Variants in EPB41L3 observed in about 807,000 individuals in gnomAD.
The protein encoded by EPB41L3 is band 4.1-like protein 3.
EPB41L3 carries 57 observed loss-of-function variants against 127.1 expected under a neutral mutation model. The ratio of observed to expected loss-of-function variants is 0.45; its 90% CI spans 0.36 to 0.56. EPB41L3 has a LOEUF of 0.56. Among genes scored for constraint, EPB41L3 ranks in the 20% least tolerant of loss-of-function variants. The pLI, the probability that EPB41L3 is intolerant of heterozygous loss-of-function variation, is 0.00. For missense variants in EPB41L3, 1,273 were observed against 1,372.2 expected (o/e 0.93, Z 1.14); for synonymous variants, 572 against 549.5 (o/e 1.04, Z -0.57).
chr18:5,630,471 CAG>C (rs1269598063), upstream of EPB41L3: 3 of 518,954 alleles, frequency 5.8e-6, no homozygotes, highest in Non-Finnish European at 1.2e-5. Flanking sequence ...AGCGCAAGGG[CAG>C]AGAGAGGTAG....
chr18:5,419,991 A>G, intron 11 of EPB41L3, 114 bp from the exon 12 acceptor site: 1 of 1,568,746 alleles, frequency 6.4e-7, no homozygotes, highest in Non-Finnish European at 8.6e-7. Context: ...AAGACACATG[A>G]ACAATACCAA....
chr18:5,543,846 C>T lies in EPB41L3; in HGVS notation c.-12+67G>A, dbSNP rs2093823238. On this transcript the variant is annotated intron_variant, in intron 1 of 22. Transcript: ENST00000341928. The surrounding 1 kb of genome is among the most constrained non-coding windows in gnomAD (Gnocchi z 5.2). Reference sequence around the variant, plus strand: ...CGCGCCTCGCCCCAGGCCTCGGGCTCTTCCTCCGCACCTCGTAAAGCCGAG... The same window carrying T: ...CGCGCCTCGCCCCAGGCCTCGGGCTTTTCCTCCGCACCTCGTAAAGCCGAG... The T allele has an allele frequency of 1.0e-6, 1 of 982,238 alleles. No individual in the cohort carries two copies. The allele number at this position is 982,238 out of a possible 1,614,324, so 60.8% of individuals were successfully genotyped here. A position where few individuals can be genotyped will look rare whatever the true frequency, so the allele number is the denominator to read the frequency against.
At chr18:5,603,977 C>T (rs1488679189) in intron 3 of EPB41L3, among the ~76,000 whole-genome samples, 1 of 152,082 alleles carries the variant, frequency 6.6e-6, no homozygotes, top group Non-Finnish European at 1.5e-5. Flanking sequence ...CAAAGCTTAG[C>T]TCATTTGATA....
chr18:5,561,215 G>A (rs1183274770), intron 3 of EPB41L3, among the ~76,000 whole-genome samples: 1 of 152,018 alleles, frequency 6.6e-6, no homozygotes, highest in Non-Finnish European at 1.5e-5. Context: ...CTGACCTCGT[G>A]ATCCGCCCGC....
intron 3 of EPB41L3, among the ~76,000 whole-genome samples, chr18:5,451,116 T>C (rs1304542936): frequency 2.0e-5 from 3 of 152,246 alleles, no homozygotes; most frequent in Non-Finnish European, 4.4e-5. Context: ...AGCATGTTTA[T>C]AAAGAGGTAT....
intron 10 of EPB41L3, 24 bp from the exon 11 acceptor site, chr18:5,423,577 C>T: frequency 1.3e-6 from 2 of 1,580,088 alleles, no homozygotes; most frequent in Non-Finnish European, 1.7e-6. Flanking sequence ...AGAAAAACAG[C>T]AGAAAGACTA....
intron 22 of EPB41L3, 152 bp from the exon 23 acceptor site, chr18:5,393,630 C>T: frequency 3.7e-6 from 2 of 538,894 alleles, no homozygotes; most frequent in South Asian, 5.3e-5. Flanking sequence ...CAATTACATG[C>T]TTTCTCTTAA....
intron 3 of EPB41L3, among the ~76,000 whole-genome samples, chr18:5,468,755 A>G (rs775715343): frequency 5.9e-5 from 9 of 152,168 alleles, no homozygotes; most frequent in Non-Finnish European, 1.0e-4. Context: ...TCTACTAAAA[A>G]TACAAAAACA....
intron 1 of EPB41L3, among the ~76,000 whole-genome samples, chr18:5,624,095 T>G (rs1195356884): frequency 2.6e-5 from 4 of 152,162 alleles, no homozygotes; most frequent in Non-Finnish European, 5.9e-5. Flanking sequence ...CTTCAGCTCC[T>G]GGGTTCAACT....
At chr18:5,560,562 A>G (rs970704894) in intron 3 of EPB41L3, among the ~76,000 whole-genome samples, 1 of 152,242 alleles carries the variant, frequency 6.6e-6, no homozygotes, top group Admixed American at 6.5e-5. Context: ...AGATAGGGGA[A>G]TTGAGCATGC....
intron 1 of EPB41L3, among the ~76,000 whole-genome samples, chr18:5,621,924 T>G (rs2094867466): frequency 6.6e-6 from 1 of 152,220 alleles, no homozygotes; most frequent in African/African-American, 2.4e-5. Flanking sequence ...TAGTCATTAC[T>G]TTTTCTGCTT....
At chr18:5,478,149 C>T in intron 3 of EPB41L3, 92 bp downstream of exon 3, 4 of 1,145,736 alleles carry the variant, frequency 3.5e-6, no homozygotes, top group East Asian at 2.4e-5. Context: ...TTCCAGAGTC[C>T]TAGAAAAATA....
chr18:5,525,570 A>G (rs950798261), intron 1 of EPB41L3, among the ~76,000 whole-genome samples: 9 of 152,218 alleles, frequency 5.9e-5, no homozygotes, highest in Non-Finnish European at 1.5e-5. Flanking sequence ...TTATATGTAG[A>G]GATTATATAA....
At chr18:5,508,514 T>C (rs538321220) in intron 1 of EPB41L3, among the ~76,000 whole-genome samples, 1 of 152,216 alleles carries the variant, frequency 6.6e-6, no homozygotes, top group South Asian at 2.1e-4. Flanking sequence ...ATGCCTGTAA[T>C]TCCAGTGCTT....
At chr18:5,600,054 T>C (rs965165300) in intron 3 of EPB41L3, among the ~76,000 whole-genome samples, 41 of 152,214 alleles carry the variant, frequency 2.7e-4, no homozygotes, top group African/African-American at 9.2e-4. Flanking sequence ...TAAACAATTC[T>C]GAATCTTAAG....
At chr18:5,609,479 A>G (rs1388156953) in intron 3 of EPB41L3, among the ~76,000 whole-genome samples, 2 of 152,200 alleles carry the variant, frequency 1.3e-5, no homozygotes, top group Non-Finnish European at 2.9e-5. Flanking sequence ...CTGGCCCTGC[A>G]TGCAAAACCA....
intron 3 of EPB41L3, among the ~76,000 whole-genome samples, chr18:5,593,300 G>A (rs9962302): frequency 0.4 from 60,823 of 151,500 alleles, 12,876 homozygotes; most frequent in Non-Finnish European, 0.47. Flanking sequence ...GCAACAGCCG[G>A]TTTGAGAAAT....
rs571322103 is a variant in EPB41L3, at chr18:5,587,985, G to A, written c.-306+24355C>T. On this transcript the variant is annotated intron_variant, in intron 3 of 21. Coordinates refer to the EPB41L3 transcript ENST00000545076. ...AAGAGTAAAATGCAGATCAGATCAC[G>A]CAAAAGAACGCTAACATGGCACACT... Among the ~76,000 whole-genome samples, 17 of 152,198 alleles carry A rather than the reference G, an allele frequency of 1.1e-4. No homozygotes were observed. The East Asian group carries it at 3.1e-3, about 28-fold the overall frequency.
intron 3 of EPB41L3, among the ~76,000 whole-genome samples, chr18:5,602,072 G>A (rs907013233): frequency 3.3e-5 from 5 of 152,146 alleles, no homozygotes; most frequent in African/African-American, 1.2e-4. Flanking sequence ...TTCAATGCCT[G>A]TCCGCAGCTT....
Sources: gnomAD v4.1 joint callset for allele counts (sites outside exome capture counted in the v4.1 genomes callset) on GRCh38, gnomAD v4.1.1 for gene constraint, Gnocchi (gnomAD v3.1) non-coding constraint, MANE v1.5 for transcripts, NCBI Gene and HGNC (gene_info 2026-07-23, HGNC 2026-07-21) for gene names.